DLG2: variants seen among roughly 807,000 people sequenced by gnomAD.
DLG2 encodes the protein discs large MAGUK scaffold protein 2.
In DLG2, 45 loss-of-function variants were observed where a neutral mutation model predicts 132.5. The ratio of observed to expected loss-of-function variants is 0.34; its 90% CI spans 0.27 to 0.44. The LOEUF (loss-of-function observed/expected upper bound fraction) is 0.44, where lower values mean the gene tolerates loss of function less well. DLG2 is among the 20% of genes least tolerant of loss of function. DLG2 has a pLI of 1.00. For missense variants in DLG2, 1,045 were observed against 1,196.9 expected (o/e 0.87, Z 1.87); for synonymous variants, 424 against 419.6 (o/e 1.01, Z -0.13).
chr11:85,243,886 T>C (rs1459002398), intron 4 of DLG2, among the ~76,000 whole-genome samples: 2 of 151,986 alleles, frequency 1.3e-5, no homozygotes, highest in African/African-American at 4.8e-5. Flanking sequence ...ATCTCAGATC[T>C]CCCACTTTCT....
intron 3 of DLG2, among the ~76,000 whole-genome samples, chr11:85,317,901 CT>C (rs2080800223): frequency 6.6e-6 from 1 of 151,414 alleles, no homozygotes; most frequent in South Asian, 2.1e-4. Flanking sequence ...TACCCTGAAC[CT>C]AAAAAAAAAA....
At chr11:85,542,603 A>C (rs1309044028) in intron 3 of DLG2, among the ~76,000 whole-genome samples, 1 of 152,142 alleles carries the variant, frequency 6.6e-6, no homozygotes, top group Admixed American at 6.5e-5. Flanking sequence ...AAGAATCCTG[A>C]CTTGTTGGCT....
chr11:85,406,566 T>TA (rs1363552955), intron 3 of DLG2, among the ~76,000 whole-genome samples: 1 of 151,846 alleles, frequency 6.6e-6, no homozygotes, highest in African/African-American at 2.4e-5. Flanking sequence ...ACCATAAAGA[T>TA]ACGATGACTG....
At chr11:83,621,463 A>G (rs908219277) in intron 19 of DLG2, among the ~76,000 whole-genome samples, 4 of 152,158 alleles carry the variant, frequency 2.6e-5, no homozygotes, top group Non-Finnish European at 2.9e-5. Flanking sequence ...AAACTTTTGC[A>G]GAACAAGAAG....
At chr11:85,099,881 T>C (rs2070582397) in intron 6 of DLG2, among the ~76,000 whole-genome samples, 1 of 152,132 alleles carries the variant, frequency 6.6e-6, no homozygotes, top group Non-Finnish European at 1.5e-5. Context: ...TCATTATAAT[T>C]GCACTGGACC....
intron 10 of DLG2, among the ~76,000 whole-genome samples, chr11:84,098,278 A>T (rs931849457): frequency 1.3e-5 from 2 of 152,016 alleles, no homozygotes; most frequent in Non-Finnish European, 2.9e-5. Flanking sequence ...ACCTCAAGTG[A>T]TCCATCTGCC....
chr11:85,427,283 A>G (rs1489988889), intron 3 of DLG2, among the ~76,000 whole-genome samples: 3 of 152,182 alleles, frequency 2.0e-5, no homozygotes, highest in East Asian at 3.8e-4. Flanking sequence ...GAAAGCCACA[A>G]AGATACTCCT....
At chr11:84,491,777 T>G (rs2099165851) in intron 7 of DLG2, among the ~76,000 whole-genome samples, 1 of 152,172 alleles carries the variant, frequency 6.6e-6, no homozygotes, top group Non-Finnish European at 1.5e-5. Context: ...ATTACAGAAA[T>G]CTTTTTTCTT....
In DLG2 at chr11:85,613,591, A is replaced by T. The variant is rs143553653; in HGVS notation, c.-93+12996T>A. 1.2e-3 allele frequency among the ~76,000 whole-genome samples: 180 copies of T among 152,282 alleles called. 4 individuals carry two copies. The East Asian group carries it at 0.015, about 13-fold the overall frequency. On this transcript the variant is annotated intron_variant, in intron 2 of 27. Transcript: ENST00000376104. Reference sequence around the variant, plus strand: ...TAGCTAAAGGATTGTAAATGCACCAATCTGTGCTCTGTGTCTAGCTAAAGG... The same window carrying T: ...TAGCTAAAGGATTGTAAATGCACCATTCTGTGCTCTGTGTCTAGCTAAAGG...
chr11:84,504,478 A>C (rs979236119), intron 7 of DLG2, among the ~76,000 whole-genome samples: 1 of 152,196 alleles, frequency 6.6e-6, no homozygotes, highest in Non-Finnish European at 1.5e-5. Flanking sequence ...AGCATGTAAA[A>C]CCTTATTACT....
chr11:85,487,235 A>T (rs1291951029), intron 3 of DLG2, among the ~76,000 whole-genome samples: 3 of 152,084 alleles, frequency 2.0e-5, no homozygotes, highest in Admixed American at 6.6e-5. Flanking sequence ...GTAGACATGA[A>T]TGTAAGAGCA....
intron 18 of DLG2, among the ~76,000 whole-genome samples, chr11:83,666,535 A>G (rs1461584277): frequency 1.3e-5 from 2 of 152,180 alleles, no homozygotes; most frequent in Non-Finnish European, 2.9e-5. Context: ...GTTTAATCCC[A>G]AAACCATTCC....
intron 6 of DLG2, among the ~76,000 whole-genome samples, chr11:84,906,200 T>G (rs1434081367): frequency 6.6e-6 from 1 of 151,694 alleles, no homozygotes; most frequent in Non-Finnish European, 1.5e-5. Flanking sequence ...TTTTTTATCT[T>G]TATCTTGAAC....
At chr11:85,204,455 T>G (rs1247435068) in intron 4 of DLG2, among the ~76,000 whole-genome samples, 2 of 151,950 alleles carry the variant, frequency 1.3e-5, no homozygotes, top group African/African-American at 2.4e-5. Context: ...ATAATTAAAA[T>G]ACCTAGAAAT....
chr11:84,479,492 C>A (rs901935875), intron 7 of DLG2, among the ~76,000 whole-genome samples: 4 of 151,944 alleles, frequency 2.6e-5, no homozygotes, highest in Non-Finnish European at 5.9e-5. Flanking sequence ...TTCTGAGGGC[C>A]TACCAAGGCC....
chr11:83,856,296 T>A (rs756514028), intron 16 of DLG2, among the ~76,000 whole-genome samples: 1 of 152,138 alleles, frequency 6.6e-6, no homozygotes, highest in Admixed American at 6.5e-5. Flanking sequence ...AATGAACATA[T>A]GCTTGAATTT....
chr11:83,713,591 G>A (rs910892096), intron 18 of DLG2, among the ~76,000 whole-genome samples: 3 of 152,128 alleles, frequency 2.0e-5, no homozygotes, highest in African/African-American at 7.2e-5. Flanking sequence ...GGAAACTCAG[G>A]GAAAGAGTGA....
At chr11:84,613,904 A>C (rs1405065214) in intron 6 of DLG2, among the ~76,000 whole-genome samples, 1 of 152,146 alleles carries the variant, frequency 6.6e-6, no homozygotes, top group East Asian at 1.9e-4. Context: ...AGTTGGAGGC[A>C]GTCACTGATA....
intron 3 of DLG2, among the ~76,000 whole-genome samples, chr11:85,502,369 T>G (rs1377775728): frequency 6.6e-6 from 1 of 151,806 alleles, no homozygotes; most frequent in Non-Finnish European, 1.5e-5. Flanking sequence ...CGTGTATACC[T>G]GTGTAACAAA....
Sources: allele counts gnomAD v4.1 joint callset (sites outside exome capture counted in the v4.1 genomes callset), GRCh38; gene constraint gnomAD v4.1.1; transcripts MANE v1.5; gene names NCBI Gene and HGNC (gene_info 2026-07-23, HGNC 2026-07-21).